Variants in CABP1 observed in about 807,000 individuals in gnomAD.
CABP1 encodes the protein calcium binding protein 1.
In CABP1, 17 loss-of-function variants were observed where a neutral mutation model predicts 34.3. The observed-to-expected ratio is 0.50, with a 90% CI of 0.34 to 0.74. The LOEUF is 0.74. Ranked by LOEUF, CABP1 falls within the 30% of genes least tolerant of loss-of-function variation. The pLI is 0.01. For missense variants in CABP1, 373 were observed against 511.1 expected, an observed-to-expected ratio of 0.73 and a Z score of 2.61; for synonymous variants, 198 against 229.2, an observed-to-expected ratio of 0.86 and a Z score of 1.23.
At chr12:120,671,562 A>G (rs1287680153), downstream of CABP1, among the ~76,000 whole-genome samples, 1 of 152,226 alleles carries the variant, frequency 6.6e-6, no homozygotes, top group Non-Finnish European at 1.5e-5. Flanking sequence ...ATCCCTCCGC[A>G]GACCTTGGAG....
At chr12:120,653,695 G>A (rs1414052681) in intron 1 of CABP1, among the ~76,000 whole-genome samples, 2 of 152,068 alleles carry the variant, frequency 1.3e-5, no homozygotes, top group African/African-American at 2.4e-5. Context: ...CACCACACGC[G>A]GCTAATTTTT....
rs1025507032 is a variant in CABP1, at chr12:120,661,929, T to C, written c.1087+711T>C. ...ACATTCACCCATGAATCTATCTATG[T>C]ATTCATCTACTCATATAGATCTCTC... is the stretch of plus-strand genomic sequence containing the variant. On this transcript the variant is annotated intron_variant, in intron 5 of 5. Transcript: ENST00000316803. The surrounding 1 kb of genome is among the most constrained non-coding windows in gnomAD (Gnocchi z 5.1). 6.6e-6 allele frequency: 1 copy of C among 152,628 alleles called. No homozygotes were observed. Among genetic ancestry groups the C allele is most frequent in the African/African-American group, 2.4e-5 (1 of 41,478 alleles). 9.5% of individuals were successfully genotyped at this position (152,628 alleles called of 1,614,324 possible).
rs75670441 is a variant in CABP1, at chr12:120,649,646, T to G, written c.654+8307T>G. Among the ~76,000 whole-genome samples, 436 of 152,098 alleles carry G rather than the reference T, an allele frequency of 2.9e-3. 3 individuals carry two copies. Among genetic ancestry groups the G allele is most frequent in the African/African-American group, 0.01 (422 of 41,482 alleles). On this transcript the variant is annotated intron_variant, in intron 1 of 5. Transcript: ENST00000316803. Reference sequence around the variant, plus strand: ...AGGCAGGGGGCGAGGAGGAGGAGGTTCAGAGACCTTTTGCTCATGCCCTCT... The same window carrying G: ...AGGCAGGGGGCGAGGAGGAGGAGGTGCAGAGACCTTTTGCTCATGCCCTCT...
In CABP1 at chr12:120,661,343, C is replaced by T; in HGVS notation, c.1087+125C>T. The T allele has an allele frequency of 9.4e-7, 1 of 1,064,988 alleles. No individual in the cohort carries two copies. Among genetic ancestry groups the T allele is most frequent in the Non-Finnish European group, 1.3e-6 (1 of 751,040 alleles). 66.0% of individuals were successfully genotyped at this position (1,064,988 alleles called of 1,614,324 possible). ...TTTTCCAACCCCCAGCCCTTTCATCCTCTTATCCCTCCGTCCATGCCCCCG... is the reference window on the plus strand; with the variant it reads ...TTTTCCAACCCCCAGCCCTTTCATCTTCTTATCCCTCCGTCCATGCCCCCG... On this transcript the variant is annotated intron_variant, in intron 5 of 5. Coordinates refer to ENST00000316803, the MANE Select transcript of CABP1 (RefSeq NM_001033677.2). The surrounding 1 kb of genome is among the most constrained non-coding windows in gnomAD (Gnocchi z 5.1).
intron 1 of CABP1, among the ~76,000 whole-genome samples, chr12:120,651,221 A>G (rs1879824901): frequency 6.6e-6 from 1 of 152,196 alleles, no homozygotes. Context: ...GAGTTAAGTC[A>G]GAGTATCTCA....
At position 120,640,660 on chromosome 12, in the gene CABP1, T is replaced by A; in HGVS notation, c.-26T>A. 1 of 1,097,046 alleles carries A rather than the reference T, an allele frequency of 9.1e-7. No homozygotes were observed. The allele number at this position is 1,097,046 out of a possible 1,614,324, so 68.0% of individuals were successfully genotyped here. On this transcript the variant is annotated 5_prime_UTR_variant, in exon 1 of 6. Coordinates refer to ENST00000316803, the MANE Select transcript of CABP1 (RefSeq NM_001033677.2). The surrounding 1 kb of genome is among the most constrained non-coding windows in gnomAD (Gnocchi z 6.2). ...CCGCCAGCCGCCGGGAGCTCCGGGC[T>A]CCGGGCGTAGAGGCTGCGCTGTCAC...
At chr12:120,644,469 GAGA>G (rs1346094741) in intron 1 of CABP1, among the ~76,000 whole-genome samples, 2 of 152,188 alleles carry the variant, frequency 1.3e-5, no homozygotes, top group Non-Finnish European at 2.9e-5. Flanking sequence ...CAGCTGTCTA[GAGA>G]AGATGTGATG....
chr12:120,664,114 T>C (rs115354044), intron 5 of CABP1, among the ~76,000 whole-genome samples: 2,125 of 152,326 alleles, frequency 0.014, 47 homozygotes, highest in African/African-American at 0.048. Flanking sequence ...CCACCACAGA[T>C]GACAGCCTTG....
At position 120,660,361 on chromosome 12, in the gene CABP1, C is replaced by T. The variant is rs777071415; in HGVS notation, c.829+22C>T. ...AACCGTGAGTCCCTCTACCAGGCAT[C>T]TGCGTCCCTTCGGTCCTCACCCTTG... On this transcript the variant is annotated intron_variant, in intron 3 of 5. Coordinates refer to ENST00000316803, the MANE Select transcript of CABP1 (RefSeq NM_001033677.2). The surrounding 1 kb of genome is among the most constrained non-coding windows in gnomAD (Gnocchi z 5.0). The T allele has an allele frequency of 3.7e-6, 6 of 1,609,050 alleles. No homozygotes were observed. Among genetic ancestry groups the T allele is most frequent in the Non-Finnish European group, 5.1e-6 (6 of 1,178,702 alleles).
intron 1 of CABP1, among the ~76,000 whole-genome samples, chr12:120,647,385 A>AT (rs11332557): frequency 1.1e-4 from 14 of 129,874 alleles, no homozygotes; most frequent in East Asian, 2.3e-4. Context: ...AGCAGACAAG[A>AT]TTTTTTTTTT....
intron 1 of CABP1, chr12:120,656,414 A>G (rs980112061): frequency 4.5e-6 from 3 of 671,044 alleles, no homozygotes; most frequent in African/African-American, 3.6e-5. Flanking sequence ...CATGGCTACA[A>G]AGTGCTGGTG....
chr12:120,644,246 G>A (rs1332749601), intron 1 of CABP1, among the ~76,000 whole-genome samples: 2 of 152,164 alleles, frequency 1.3e-5, no homozygotes, highest in Non-Finnish European at 2.9e-5. Flanking sequence ...ACAAGATTAA[G>A]GATATCAAAT....
chr12:120,642,431 A>G (rs568201218), intron 1 of CABP1, among the ~76,000 whole-genome samples: 1 of 152,282 alleles, frequency 6.6e-6, no homozygotes, highest in Admixed American at 6.5e-5. Context: ...TTTCTTTTCA[A>G]AATACTACTC....
Position 120,660,019 on chromosome 12 carries a change from G to C in CABP1, c.685+111G>C. 7.7e-7 allele frequency: 1 copy of C among 1,294,372 alleles called. No homozygotes were observed. 80.2% of individuals were successfully genotyped at this position (1,294,372 alleles called of 1,614,324 possible). A position where few individuals can be genotyped will look rare whatever the true frequency, so the allele number is the denominator to read the frequency against. ...GAAATGGGGCCTGGTGCAACGCGGG[G>C]TATCTTCTGTGAAACCAGCTGCTGA... On this transcript the variant is annotated intron_variant, in intron 2 of 5. Transcript: ENST00000316803. The surrounding 1 kb of genome is among the most constrained non-coding windows in gnomAD (Gnocchi z 5.0).
chr12:120,667,255 C>A lies in CABP1; in HGVS notation c.*355C>A. ...GCCCCAGGGCAAAGCCTCCCACCTT[C>A]GCTCTGCGCCCGTCCCAGCTCGCCT... On this transcript the variant is annotated 3_prime_UTR_variant, in exon 6 of 6. Transcript: ENST00000316803. 2.4e-6 allele frequency: 1 copy of A among 418,050 alleles called. No individual in the cohort carries two copies. Among genetic ancestry groups the A allele is most frequent in the South Asian group, 3.0e-5 (1 of 33,078 alleles). 25.9% of individuals were successfully genotyped at this position (418,050 alleles called of 1,614,324 possible).
intron 1 of CABP1, among the ~76,000 whole-genome samples, chr12:120,647,742 ATTTTT>A (rs11393885): frequency 1.5e-5 from 2 of 130,470 alleles, no homozygotes; most frequent in Non-Finnish European, 1.6e-5. Flanking sequence ...TAACTTTTGT[ATTTTT>A]TTTTTTTTTT....
chr12:120,675,269 A>G, the CABP1 span, among the ~76,000 whole-genome samples: 1 of 152,042 alleles, frequency 6.6e-6, no homozygotes. Flanking sequence ...GCCAGGCTGG[A>G]CTCAAACTCC....
intron 5 of CABP1, among the ~76,000 whole-genome samples, chr12:120,664,544 C>A (rs1303632854): frequency 6.6e-6 from 1 of 152,118 alleles, no homozygotes; most frequent in Admixed American, 6.6e-5. Context: ...TAAACGGGGG[C>A]ACATCCAGAC....
chr12:120,646,700 A>G (rs965311929), intron 1 of CABP1, among the ~76,000 whole-genome samples: 16 of 151,934 alleles, frequency 1.1e-4, no homozygotes, highest in African/African-American at 3.9e-4. Flanking sequence ...TTTAATAGAG[A>G]TGGGGTCTTG....
Sources: allele counts gnomAD v4.1 joint callset (sites outside exome capture counted in the v4.1 genomes callset), GRCh38; gene constraint gnomAD v4.1.1; non-coding constraint Gnocchi (gnomAD v3.1); transcripts MANE v1.5; gene names NCBI Gene and HGNC (gene_info 2026-07-23, HGNC 2026-07-21).